Variants in GPM6B observed in about 807,000 individuals in gnomAD.
The protein encoded by GPM6B is glycoprotein M6B.
Under a neutral mutation model 27.2 loss-of-function variants are expected in GPM6B, and 4 were observed. The observed-to-expected ratio is 0.15, with a 90% CI of 0.07 to 0.34. The LOEUF is 0.34. GPM6B is among the 10% of genes least tolerant of loss of function. GPM6B has a pLI of 1.00. For synonymous variants in GPM6B, 124 were observed against 103.1 expected (o/e 1.20, Z -1.23); for missense variants, 183 against 261.9 (o/e 0.70, Z 2.08).
At chrX:13,784,873 TTAA>T (rs1337481400) in intron 3 of GPM6B, among the ~76,000 whole-genome samples, 1 of 111,018 alleles carries the variant, frequency 9.0e-6, no homozygotes, top group African/African-American at 3.3e-5. Context: ...GCTGGAAGAG[TTAA>T]TGTTAAAATA....
chrX:13,790,653 C>T lies in GPM6B; in HGVS notation c.182-4845G>A, dbSNP rs139848998. 6.7e-4 allele frequency among the ~76,000 whole-genome samples: 75 copies of T among 112,157 alleles called. No individual in the cohort carries two copies. The East Asian group carries it at 0.018, about 27-fold the overall frequency. On this transcript the variant is annotated intron_variant, in intron 2 of 7. Transcript: ENST00000316715. ...GGGTTTGGCCATAACCCTCCAGTCA[C>T]TTGTGAATCAAATGGCAAGTTCCAA...
intron 1 of GPM6B, among the ~76,000 whole-genome samples, chrX:13,842,195 T>A (rs1362446384): frequency 8.9e-6 from 1 of 112,445 alleles, no homozygotes; most frequent in Non-Finnish European, 1.9e-5. Context: ...TGTCATTGCA[T>A]TCAGTGAGAA....
At chrX:13,925,932 G>A (rs1229850996) in intron 1 of GPM6B, among the ~76,000 whole-genome samples, 4 of 107,644 alleles carry the variant, frequency 3.7e-5, no homozygotes, top group African/African-American at 1.4e-4. Flanking sequence ...GCGGGCGCCT[G>A]TAGTCCCAGC....
At chrX:13,889,790 C>A (rs930532917) in intron 1 of GPM6B, among the ~76,000 whole-genome samples, 1 of 108,347 alleles carries the variant, frequency 9.2e-6, no homozygotes, top group African/African-American at 3.4e-5. Context: ...AAATCTGTAA[C>A]CATGAAATAA....
intron 1 of GPM6B, among the ~76,000 whole-genome samples, chrX:13,808,391 G>A (rs1244805196): frequency 2.7e-5 from 3 of 112,053 alleles, no homozygotes; most frequent in Non-Finnish European, 5.6e-5. Context: ...TCTTGGGCTC[G>A]AACCACTGCT....
At chrX:13,786,728 G>A (rs934343720) in intron 2 of GPM6B, among the ~76,000 whole-genome samples, 7 of 111,311 alleles carry the variant, frequency 6.3e-5, no homozygotes, top group Non-Finnish European at 1.3e-4. Context: ...AGAGACAGCC[G>A]TAAGTCACTC....
At chrX:13,826,217 C>T (rs151265380) in intron 1 of GPM6B, among the ~76,000 whole-genome samples, 417 of 110,229 alleles carry the variant, frequency 3.8e-3, no homozygotes, top group Non-Finnish European at 5.9e-3. Flanking sequence ...CTAGACTGCC[C>T]GGGGACCTGA....
intron 1 of GPM6B, among the ~76,000 whole-genome samples, chrX:13,840,007 G>T (rs143419513): frequency 2.7e-5 from 3 of 111,267 alleles, no homozygotes; most frequent in Non-Finnish European, 5.6e-5. Flanking sequence ...AGAATAGAAC[G>T]CCCTGAAATA....
intron 1 of GPM6B, among the ~76,000 whole-genome samples, chrX:13,898,883 T>G (rs1019749264): frequency 1.8e-5 from 2 of 111,664 alleles, no homozygotes; most frequent in Non-Finnish European, 3.8e-5. Flanking sequence ...AGGGGGCTTG[T>G]CTTCACAAAC....
At chrX:13,920,416 A>C (rs1920958372) in intron 1 of GPM6B, among the ~76,000 whole-genome samples, 1 of 110,527 alleles carries the variant, frequency 9.0e-6, no homozygotes, top group Non-Finnish European at 1.9e-5. Context: ...TTCTATTAGA[A>C]CCACAGGAAA....
chrX:13,923,320 C>T (rs1370997699), intron 1 of GPM6B, among the ~76,000 whole-genome samples: 1 of 111,808 alleles, frequency 8.9e-6, no homozygotes, highest in Non-Finnish European at 1.9e-5. Flanking sequence ...AATGGCAGCA[C>T]CCTGTGAAAA....
At chrX:13,874,485 G>A (rs1433233152) in intron 1 of GPM6B, among the ~76,000 whole-genome samples, 6 of 105,454 alleles carry the variant, frequency 5.7e-5, no homozygotes. Flanking sequence ...ATCACTTGAG[G>A]TCAAGAGTTC....
At chrX:13,936,257 A>G (rs1324862423) in intron 1 of GPM6B, among the ~76,000 whole-genome samples, 1 of 112,396 alleles carries the variant, frequency 8.9e-6, no homozygotes, top group Non-Finnish European at 1.9e-5. Flanking sequence ...TTCTTTCAAG[A>G]TGTAATGAAA....
chrX:13,909,879 C>A (rs2050363245), intron 1 of GPM6B, among the ~76,000 whole-genome samples: 1 of 111,681 alleles, frequency 9.0e-6, no homozygotes, highest in Non-Finnish European at 1.9e-5. Flanking sequence ...CTTTCTGTAT[C>A]CTATACCTGC....
Position 13,817,079 on chromosome X carries a change from C to T in GPM6B, c.-175G>A, listed in dbSNP as rs1260833005. ...TTCCAAGATGCAAAAGTCTTGTCAG[C>T]GTCAATTTCGCTCTGCCTACTGGTC... On this transcript the variant is annotated 5_prime_UTR_variant, in exon 1 of 8. Coordinates refer to ENST00000316715, the MANE Select transcript of GPM6B (RefSeq NM_001001995.3). 3 of 1,018,279 alleles carry T rather than the reference C, an allele frequency of 2.9e-6. No individual in the cohort carries two copies. The highest frequency in any genetic ancestry group is 2.5e-6 in the Non-Finnish European group (2 of 803,545). The allele number at this position is 1,018,279 out of a possible 1,213,427, so 83.9% of individuals were successfully genotyped here.
At chrX:13,820,260 G>A (rs767528522), upstream of GPM6B, among the ~76,000 whole-genome samples, 5 of 111,388 alleles carry the variant, frequency 4.5e-5, no homozygotes, top group South Asian at 7.6e-4. Context: ...ACTATGGCAC[G>A]GGGAGGAAGT....
chrX:13,814,605 C>G (rs965234967), intron 1 of GPM6B, among the ~76,000 whole-genome samples: 7 of 112,215 alleles, frequency 6.2e-5, no homozygotes, highest in African/African-American at 2.3e-4. Context: ...GTGACAATCA[C>G]GCAGAAACAT....
chrX:13,774,524 T>C (rs1602961904), intron 7 of GPM6B: 1 of 1,206,030 alleles, frequency 8.3e-7, no homozygotes, highest in Non-Finnish European at 1.1e-6. Flanking sequence ...AGCATAGCTC[T>C]CTAAAACTCC....
At chrX:13,817,196 C>G, upstream of GPM6B, 3 of 878,287 alleles carry the variant, frequency 3.4e-6, no homozygotes, top group Non-Finnish European at 4.2e-6. Flanking sequence ...TGCCTACAGT[C>G]TCAATGCGGC....
Sources: gnomAD v4.1 joint callset for allele counts (sites outside exome capture counted in the v4.1 genomes callset) on GRCh38, gnomAD v4.1.1 for gene constraint, MANE v1.5 for transcripts, NCBI Gene and HGNC (gene_info 2026-07-23, HGNC 2026-07-21) for gene names.